Variants in A2M observed in about 807,000 individuals in gnomAD.
A2M encodes the protein alpha-2-macroglobulin, also known as C3 and PZP-like alpha-2-macroglobulin domain-containing protein 5.
In A2M, 128 loss-of-function variants were observed where a neutral mutation model predicts 183.9. The ratio of observed to expected loss-of-function variants is 0.70; its 90% CI spans 0.60 to 0.81. The LOEUF (loss-of-function observed/expected upper bound fraction) is 0.81. Among genes scored for constraint, A2M ranks in the 30% least tolerant of loss-of-function variants. The probability of loss-of-function intolerance (pLI) is 0.00; values close to 1 mark genes in which losing one functional copy is unlikely to be tolerated. For missense variants in A2M, 1,495 were observed against 1,787.6 expected (o/e 0.84, Z 2.95); for synonymous variants, 592 against 670.8 (o/e 0.88, Z 1.81).
intron 4 of A2M, 155 bp downstream of exon 4, chr12:9,112,004 G>A: frequency 1.2e-6 from 1 of 801,782 alleles, no homozygotes; most frequent in Non-Finnish European, 2.3e-6. Context: ...TACCTGGAAT[G>A]ATGTTTTAGA....
Position 9,095,732 on chromosome 12 carries a change from T to TTATTTG in A2M, c.1852-38_1852-33dup, listed in dbSNP as rs546792770. The TTATTTG allele has an allele frequency of 2.2e-3, 2,575 of 1,151,156 alleles. 18 individuals carry two copies. The highest frequency in any genetic ancestry group is 2.5e-3 in the Non-Finnish European group (2,056 of 813,892). 71.3% of individuals were successfully genotyped at this position (1,151,156 alleles called of 1,614,324 possible). ...AAATACGAAAGACAAAAAGGCAAAC[T>TTATTTG]TATTTGTGACTTTTTTTTTTTTTTT... is the stretch of plus-strand genomic sequence containing the variant. On this transcript the variant is annotated intron_variant, in intron 15 of 35. Transcript: ENST00000318602.
chr12:9,080,050 T>G, intron 23 of A2M, 44 bp downstream of exon 23: 1 of 1,249,564 alleles, frequency 8.0e-7, no homozygotes, highest in Non-Finnish European at 1.1e-6. Flanking sequence ...AATAGTATAA[T>G]AGAAGCTGTT....
rs1266917944 is a variant in A2M at position 9,107,509 on chromosome 12, T to TA, written c.879+14dup. On this transcript the variant is annotated intron_variant, in intron 8 of 35. Coordinates refer to ENST00000318602, the MANE Select transcript of A2M (RefSeq NM_000014.6). The stretch of plus-strand genomic sequence containing the variant: ...CTTTATCGCTATTCTCTAGAAAAAA[T>TA]AGTGTTCAACCTACCTGTCCACTGA... 3.1e-6 allele frequency: 5 copies of TA among 1,613,326 alleles called. No individual in the cohort carries two copies. The African/African-American group carries it at 6.7e-5, about 22-fold the overall frequency.
chr12:9,072,613 G>A, intron 30 of A2M, 40 bp downstream of exon 30: 1 of 1,605,232 alleles, frequency 6.2e-7, no homozygotes, highest in African/African-American at 1.3e-5. Flanking sequence ...AACAGCTGCT[G>A]TCCTCATCTG....
chr12:9,094,340 CATATAT>C (rs59647548), intron 17 of A2M, among the ~76,000 whole-genome samples: 2,857 of 97,022 alleles, frequency 0.029, 50 homozygotes, highest in Middle Eastern at 0.06. Flanking sequence ...AAAAATTGTG[CATATAT>C]ATATATATAT....
At chr12:9,091,044 C>T (rs1239215099) in intron 19 of A2M, among the ~76,000 whole-genome samples, 157 bp downstream of exon 19, 2 of 151,896 alleles carry the variant, frequency 1.3e-5, no homozygotes, top group South Asian at 2.1e-4. Flanking sequence ...CTTTATGGTG[C>T]AATTTGGTAT....
rs1948616509 is a variant in A2M at position 9,072,765 on chromosome 12, C to T, written c.3863G>A (p.Ser1288Asn). The T allele has an allele frequency of 6.2e-7, 1 of 1,614,158 alleles. No homozygotes were observed. ...VTIQSSGTFS[S>N]KFQVDNNNRL... ...GTTGTTGTTGTCCACTTGGAATTTGCTGGAAAATGTCCCTGAAGACTGGAT... is the reference window on the plus strand; with the variant it reads ...GTTGTTGTTGTCCACTTGGAATTTGTTGGAAAATGTCCCTGAAGACTGGAT... Residue 1288 changes from serine to asparagine, a missense_variant, in exon 30 of 36, where the codon AGC (serine) becomes AAC (asparagine). Ser to Asn is a conservative substitution (Grantham distance 46). Transcript: ENST00000318602.
Position 9,113,502 on chromosome 12 carries a change from G to T in A2M, c.128C>A (p.Thr43Asn), listed in dbSNP as rs374129556. Residue 43 changes from threonine to asparagine, a missense_variant, in exon 2 of 36, where the codon ACC becomes AAC. Coordinates refer to ENST00000318602, the MANE Select transcript of A2M (RefSeq NM_000014.6). ...VLVPSLLHTETTEKGCVLLSY... is the reference protein window; with the variant it reads ...VLVPSLLHTENTEKGCVLLSY... ...CAGAAGGACACAGCCCTTCTCAGTG[G>T]TCTCAGTGTGGAGCAGGGAGGGGAC... The T allele has an allele frequency of 5.0e-5, 81 of 1,613,810 alleles. No homozygotes were observed. Among genetic ancestry groups the T allele is most frequent in the Non-Finnish European group, 6.4e-5 (75 of 1,179,944 alleles).
intron 4 of A2M, chr12:9,111,475 A>G (rs779418884): frequency 6.6e-5 from 30 of 454,372 alleles, no homozygotes; most frequent in South Asian, 4.5e-4. Flanking sequence ...GACATTGACT[A>G]GGACTAGCTT....
chr12:9,105,056 A>G (rs986821150), intron 10 of A2M, among the ~76,000 whole-genome samples: 30 of 152,234 alleles, frequency 2.0e-4, no homozygotes, highest in Admixed American at 1.8e-3. Flanking sequence ...AGAGGCACAC[A>G]GTATTAAATA....
intron 22 of A2M, among the ~76,000 whole-genome samples, chr12:9,081,929 T>C (rs990447366): frequency 2.0e-5 from 3 of 152,220 alleles, no homozygotes; most frequent in African/African-American, 4.8e-5. Flanking sequence ...GCCAACTGCA[T>C]AGCCCATCTG....
In A2M at chr12:9,077,732, C is replaced by T; in HGVS notation, c.3245G>A (p.Ser1082Asn). Residue 1082 changes from serine to asparagine, a missense_variant, in exon 26 of 36, where the codon AGC becomes AAC. Transcript: ENST00000318602. ...GGCATTGTTGAGCAGTGACCCAGAGCTCCTGAAACAGCCATTGTCCTTCTG... is the reference window on the plus strand; with the variant it reads ...GGCATTGTTGAGCAGTGACCCAGAGTTCCTGAAACAGCCATTGTCCTTCTG... ...QRQKDNGCFR[S>N]SGSLLNNAIK... is the part of the protein sequence containing the mutation. 1.9e-6 allele frequency: 3 copies of T among 1,614,138 alleles called. No individual in the cohort carries two copies. The highest frequency in any genetic ancestry group is 1.7e-6 in the Non-Finnish European group (2 of 1,180,016).
chr12:9,106,388 T>C (rs756566315), intron 9 of A2M, 43 bp from the exon 10 acceptor site: 1 of 1,498,710 alleles, frequency 6.7e-7, no homozygotes, highest in East Asian at 2.3e-5. Flanking sequence ...GGAAGAATGA[T>C]GTCTCTAAAA....
intron 22 of A2M, among the ~76,000 whole-genome samples, chr12:9,084,292 A>G (rs1485191445): frequency 1.3e-5 from 2 of 152,156 alleles, no homozygotes; most frequent in Non-Finnish European, 2.9e-5. Context: ...TATTCAAAAT[A>G]CTCTATGACT....
In A2M at chr12:9,069,630, A is replaced by T. The variant is rs753529051; in HGVS notation, c.4263+115T>A. ...ACATTCTTTTAGAGTTAACATTAGA[A>T]TTCTCAAATTTCTAGCATGGAAGTG... is the stretch of plus-strand genomic sequence containing the variant. On this transcript the variant is annotated intron_variant, in intron 33 of 35. Transcript: ENST00000318602. The T allele has an allele frequency of 1.3e-4, 89 of 696,628 alleles. 2 individuals are homozygous for T. Among genetic ancestry groups the T allele is most frequent in the Non-Finnish European group, 2.0e-4 (82 of 419,464 alleles). The allele number at this position is 696,628 out of a possible 1,614,324, so 43.2% of individuals were successfully genotyped here. A position where few individuals can be genotyped will look rare whatever the true frequency, so the allele number is the denominator to read the frequency against.
In A2M at chr12:9,074,547, G is replaced by T; in HGVS notation, c.3756+13C>A. Reference sequence around the variant, plus strand: ...CCTGAAGGTGAAATAAAAGGTTTTGGCAAATCACCAACCTGGGTGGAGGAG... The same window carrying T: ...CCTGAAGGTGAAATAAAAGGTTTTGTCAAATCACCAACCTGGGTGGAGGAG... On this transcript the variant is annotated intron_variant, in intron 29 of 35. Transcript: ENST00000318602. The T allele has an allele frequency of 1.3e-6, 2 of 1,593,466 alleles. No homozygotes were observed. The highest frequency in any genetic ancestry group is 1.7e-6 in the Non-Finnish European group (2 of 1,168,572).
At chr12:9,098,569 A>C (rs772794940) in intron 15 of A2M, 38 bp downstream of exon 15, 7 of 1,565,556 alleles carry the variant, frequency 4.5e-6, no homozygotes, top group Non-Finnish European at 6.1e-6. Context: ...AGCCCCTGGC[A>C]CGGCCCTTCT....
intron 13 of A2M, among the ~76,000 whole-genome samples, chr12:9,100,074 T>C (rs1295326049): frequency 6.6e-6 from 1 of 152,236 alleles, no homozygotes; most frequent in East Asian, 1.9e-4. Flanking sequence ...TCTAGCAAGT[T>C]ATCTTTTAGA....
intron 24 of A2M, 112 bp from the exon 25 acceptor site, chr12:9,079,443 C>A: frequency 8.1e-7 from 1 of 1,241,762 alleles, no homozygotes; most frequent in Non-Finnish European, 1.2e-6. Context: ...ATTTTGTTGT[C>A]ATAGATTAGG....
Sources: allele counts gnomAD v4.1 joint callset (sites outside exome capture counted in the v4.1 genomes callset), GRCh38; gene constraint gnomAD v4.1.1; transcripts MANE v1.5; gene names NCBI Gene and HGNC (gene_info 2026-07-23, HGNC 2026-07-21).